The following AUTS2 variants were observed in gnomAD, a reference collection of about 807,000 sequenced individuals.
AUTS2 encodes autism susceptibility gene 2 protein.
AUTS2 carries 17 observed loss-of-function variants against 112.4 expected under a neutral mutation model. That is an observed-to-expected ratio of 0.15 (90% CI 0.10 to 0.23). The LOEUF is 0.23. Ranked by LOEUF, AUTS2 falls within the 10% of genes least tolerant of loss-of-function variation. The pLI, the probability that AUTS2 is intolerant of heterozygous loss-of-function variation, is 1.00. For synonymous variants in AUTS2, 751 were observed against 702.7 expected (o/e 1.07, Z -1.09); for missense variants, 1,510 against 1,701.6 (o/e 0.89, Z 1.98).
At chr7:70,346,218 A>G (rs1011430865) in intron 4 of AUTS2, among the ~76,000 whole-genome samples, 5 of 152,116 alleles carry the variant, frequency 3.3e-5, no homozygotes, top group African/African-American at 1.2e-4. Context: ...TTTCCACAAT[A>G]CCTTTCCCAC....
At chr7:69,782,368 T>G (rs75642182) in intron 1 of AUTS2, among the ~76,000 whole-genome samples, 5 of 108,148 alleles carry the variant, frequency 4.6e-5, no homozygotes, top group Non-Finnish European at 1.1e-4. Context: ...TCTCTCTTGT[T>G]TTTTTTTTTT....
chr7:69,622,565 T>C (rs1249752729), intron 1 of AUTS2, among the ~76,000 whole-genome samples: 2 of 152,124 alleles, frequency 1.3e-5, no homozygotes, highest in Non-Finnish European at 2.9e-5. Context: ...ATAATGAAAA[T>C]AGGGAAAGGC....
chr7:69,679,396 G>T (rs1351165399), intron 1 of AUTS2, among the ~76,000 whole-genome samples: 1 of 152,222 alleles, frequency 6.6e-6, no homozygotes, highest in Non-Finnish European at 1.5e-5. Flanking sequence ...ATAAAATGGG[G>T]ATTCCAGGTC....
chr7:70,602,555 A>T (rs1183898629), intron 5 of AUTS2, among the ~76,000 whole-genome samples: 1 of 152,174 alleles, frequency 6.6e-6, no homozygotes, highest in Non-Finnish European at 1.5e-5. Context: ...ACATATTCCA[A>T]ATGCTATGAG....
chr7:69,731,876 A>G (rs866511497), intron 1 of AUTS2, among the ~76,000 whole-genome samples: 3 of 152,232 alleles, frequency 2.0e-5, no homozygotes, highest in African/African-American at 4.8e-5. Context: ...AGGCAAGTCA[A>G]TCTCTGGCTT....
chr7:69,738,459 G>C (rs1258150762), intron 1 of AUTS2, among the ~76,000 whole-genome samples: 1 of 152,144 alleles, frequency 6.6e-6, no homozygotes, highest in Non-Finnish European at 1.5e-5. Context: ...TGGTTAGTCA[G>C]CTTCTGTGAG....
At chr7:70,775,853 A>G (rs772985449) in intron 13 of AUTS2, among the ~76,000 whole-genome samples, 3 of 152,192 alleles carry the variant, frequency 2.0e-5, no homozygotes, top group Non-Finnish European at 4.4e-5. Context: ...CTGGTTTGTT[A>G]ACATCTTGCT....
intron 4 of AUTS2, among the ~76,000 whole-genome samples, chr7:70,242,319 G>A (rs1812657610): frequency 6.6e-6 from 1 of 152,088 alleles, no homozygotes; most frequent in Admixed American, 6.6e-5. Flanking sequence ...CCAGAGCATT[G>A]CCAGAGACTG....
At chr7:69,953,245 C>T (rs952852791) in intron 2 of AUTS2, among the ~76,000 whole-genome samples, 3 of 152,160 alleles carry the variant, frequency 2.0e-5, no homozygotes, top group African/African-American at 7.2e-5. Context: ...CCTGATGCCC[C>T]TTTCAAGCCA....
chr7:70,282,373 A>T (rs1273644140), intron 4 of AUTS2, among the ~76,000 whole-genome samples: 1 of 152,160 alleles, frequency 6.6e-6, no homozygotes, highest in Non-Finnish European at 1.5e-5. Flanking sequence ...GGTAGCTTAT[A>T]AACAACAGAA....
intron 5 of AUTS2, among the ~76,000 whole-genome samples, chr7:70,500,101 T>G (rs1338954392): frequency 3.3e-5 from 5 of 151,484 alleles, no homozygotes; most frequent in Admixed American, 3.3e-4. Flanking sequence ...TAATCACAAC[T>G]ACACGTTTCC....
chr7:70,424,834 G>A (rs10277221), intron 4 of AUTS2, among the ~76,000 whole-genome samples: 10,276 of 152,136 alleles, frequency 0.068, 442 homozygotes, highest in East Asian at 0.14. Context: ...AGATCATCCC[G>A]CCTCAGTCTT....
chr7:69,739,526 CT>C (rs1329758485), intron 1 of AUTS2, among the ~76,000 whole-genome samples: 2 of 152,122 alleles, frequency 1.3e-5, no homozygotes, highest in Non-Finnish European at 2.9e-5. Context: ...GATAGCTCAA[CT>C]GGAGAATAAA....
chr7:70,371,913 A>G (rs1474168320), intron 4 of AUTS2, among the ~76,000 whole-genome samples: 4 of 152,178 alleles, frequency 2.6e-5, no homozygotes, highest in African/African-American at 7.2e-5. Flanking sequence ...TCATTACCAT[A>G]TGGCCAGTGA....
chr7:70,035,754 A>C (rs77821707), intron 2 of AUTS2, among the ~76,000 whole-genome samples: 27 of 152,118 alleles, frequency 1.8e-4, no homozygotes, highest in Admixed American at 1.8e-3. Context: ...TCATTGCATA[A>C]TTTCTTGTTC....
intron 6 of AUTS2, among the ~76,000 whole-genome samples, chr7:70,756,273 A>G (rs1544009): frequency 0.14 from 20,749 of 152,174 alleles, 1,915 homozygotes; most frequent in East Asian, 0.39. Flanking sequence ...TTACTTACTT[A>G]TTATGTGTTG....
At chr7:70,247,570 G>A (rs921790430) in intron 4 of AUTS2, among the ~76,000 whole-genome samples, 8 of 152,098 alleles carry the variant, frequency 5.3e-5, no homozygotes, top group Non-Finnish European at 7.4e-5. Flanking sequence ...AAAATTTACT[G>A]CTGGTGTATA....
intron 1 of AUTS2, among the ~76,000 whole-genome samples, chr7:69,889,933 C>T (rs140009666): frequency 6.6e-6 from 1 of 152,152 alleles, no homozygotes; most frequent in Non-Finnish European, 1.5e-5. Flanking sequence ...CCTTTGTGTA[C>T]GTTATTGCCC....
intron 4 of AUTS2, among the ~76,000 whole-genome samples, chr7:70,263,639 C>G (rs1008026712): frequency 3.9e-5 from 6 of 151,960 alleles, no homozygotes; most frequent in Non-Finnish European, 8.8e-5. Context: ...TTTGGAAAGC[C>G]GAAACAAATT....
Sources: gnomAD v4.1 joint callset for allele counts (sites outside exome capture counted in the v4.1 genomes callset) on GRCh38, gnomAD v4.1.1 for gene constraint, MANE v1.5 for transcripts, NCBI Gene and HGNC (gene_info 2026-07-23, HGNC 2026-07-21) for gene names.